The following RERE variants were observed in gnomAD, a reference collection of about 807,000 sequenced individuals.
RERE encodes the protein arginine-glutamic acid dipeptide repeats, also known as arginine-glutamic acid dipeptide repeats protein.
RERE carries 40 observed loss-of-function variants against 146.1 expected under a neutral mutation model. The ratio of observed to expected loss-of-function variants is 0.27; its 90% CI spans 0.21 to 0.36. The LOEUF is 0.36. Ranked by LOEUF, RERE falls within the 10% of genes least tolerant of loss-of-function variation. The probability of loss-of-function intolerance (pLI) is 1.00; values close to 1 mark genes in which losing one functional copy is unlikely to be tolerated. For missense variants in RERE, 1,933 were observed against 2,138.7 expected (o/e 0.90, Z 1.90); for synonymous variants, 1,003 against 866.0 (o/e 1.16, Z -2.78).
intron 4 of RERE, among the ~76,000 whole-genome samples, chr1:8,557,754 G>C (rs1646024744): frequency 1.3e-5 from 2 of 152,110 alleles, no homozygotes; most frequent in Non-Finnish European, 2.9e-5. Flanking sequence ...GCTTATTTCA[G>C]GAAACAAAAG....
chr1:8,549,834 T>C (rs1645912456), intron 6 of RERE, among the ~76,000 whole-genome samples: 1 of 152,126 alleles, frequency 6.6e-6, no homozygotes, highest in African/African-American at 2.4e-5. Flanking sequence ...ATGCCTAACT[T>C]CAGAAAAGCC....
At chr1:8,487,052 T>C (rs1570320515) in intron 10 of RERE, among the ~76,000 whole-genome samples, 1 of 152,178 alleles carries the variant, frequency 6.6e-6, no homozygotes, top group Non-Finnish European at 1.5e-5. Context: ...AACAAATTAT[T>C]AGCAAATTGA....
intron 1 of RERE, among the ~76,000 whole-genome samples, chr1:8,721,753 C>G (rs2124474002): frequency 6.6e-6 from 1 of 152,236 alleles, no homozygotes; most frequent in East Asian, 1.9e-4. Flanking sequence ...TACTATCTGG[C>G]AAAAATATGT....
chr1:8,498,726 A>AAT lies in RERE; in HGVS notation c.880-1199_880-1198dup, dbSNP rs1216467734. On this transcript the variant is annotated intron_variant, in intron 8 of 22. Transcript: ENST00000400908. ...AAAAAAAAATAAAAAAAAAAAAATA[A>AAT]ATATATACACACACACACACACACA... 8.2e-3 allele frequency among the ~76,000 whole-genome samples: 125 copies of AAT among 15,330 alleles called. 2 individuals carry two copies. Among genetic ancestry groups the AAT allele is most frequent in the Middle Eastern group, 0.028 (2 of 72 alleles). 10.1% of individuals were successfully genotyped at this position (15,330 alleles called of 152,430 possible). A position where few individuals can be genotyped will look rare whatever the true frequency, so the allele number is the denominator to read the frequency against.
chr1:8,786,918 C>A, intron 1 of RERE: 1 of 764,946 alleles, frequency 1.3e-6, no homozygotes. Context: ...CCTTCTTCTT[C>A]TCTTCAACAC....
At chr1:8,657,296 G>C (rs1312298358) in intron 1 of RERE, among the ~76,000 whole-genome samples, 1 of 110,320 alleles carries the variant, frequency 9.1e-6, no homozygotes, top group African/African-American at 3.7e-5. Context: ...CAGAGCGAGA[G>C]ACTCCGTCTC....
chr1:8,460,726 C>T (rs1399665247), intron 11 of RERE, among the ~76,000 whole-genome samples: 1 of 152,200 alleles, frequency 6.6e-6, no homozygotes, highest in African/African-American at 2.4e-5. Context: ...TGGTAAGCAA[C>T]AGAACCTTCA....
chr1:8,669,024 C>G (rs867303108), intron 1 of RERE, among the ~76,000 whole-genome samples: 1 of 43,816 alleles, frequency 2.3e-5, no homozygotes, highest in African/African-American at 8.9e-5. Context: ...GCACTCAACT[C>G]TGTGTGTGTG....
At chr1:8,502,348 C>G (rs1406718879) in intron 8 of RERE, among the ~76,000 whole-genome samples, 1 of 117,064 alleles carries the variant, frequency 8.5e-6, no homozygotes, top group Non-Finnish European at 1.8e-5. Flanking sequence ...GGGGGGTCAG[C>G]CCCCCGCCCG....
intron 7 of RERE, among the ~76,000 whole-genome samples, chr1:8,533,005 T>C (rs1645677507): frequency 6.6e-6 from 1 of 152,248 alleles, no homozygotes; most frequent in Non-Finnish European, 1.5e-5. Context: ...GTGCTGGGAT[T>C]ACAGGCATGA....
chr1:8,761,159 A>C (rs958148176), intron 1 of RERE, among the ~76,000 whole-genome samples: 4 of 152,118 alleles, frequency 2.6e-5, no homozygotes, highest in Non-Finnish European at 5.9e-5. Context: ...AGAAATAAAA[A>C]CTCAAAGGAA....
chr1:8,744,483 G>A (rs571987083), intron 1 of RERE, among the ~76,000 whole-genome samples: 14 of 152,122 alleles, frequency 9.2e-5, no homozygotes, highest in African/African-American at 2.6e-4. Context: ...TCTTAAACAC[G>A]CCTACTATCT....
intron 1 of RERE, among the ~76,000 whole-genome samples, chr1:8,737,747 T>A (rs1021253865): frequency 2.0e-5 from 3 of 152,080 alleles, no homozygotes; most frequent in Admixed American, 6.6e-5. Context: ...GAAAAAAATG[T>A]TTTCATCCAG....
chr1:8,435,378 A>C (rs1644155663), intron 11 of RERE, among the ~76,000 whole-genome samples: 1 of 152,250 alleles, frequency 6.6e-6, no homozygotes, highest in Admixed American at 6.5e-5. Flanking sequence ...GTTCAGTACA[A>C]GAATGTATCT....
intron 4 of RERE, among the ~76,000 whole-genome samples, chr1:8,595,352 C>T (rs1386224234): frequency 6.6e-6 from 1 of 151,582 alleles, no homozygotes; most frequent in African/African-American, 2.4e-5. Context: ...TTATATTTAT[C>T]ATTAAATACC....
chr1:8,688,857 T>TA (rs1245770775), intron 1 of RERE, among the ~76,000 whole-genome samples: 1 of 152,248 alleles, frequency 6.6e-6, no homozygotes, highest in African/African-American at 2.4e-5. Context: ...TCGGCTAAGC[T>TA]AAGCTATGGA....
At chr1:8,536,985 T>C (rs1026657478) in intron 7 of RERE, among the ~76,000 whole-genome samples, 2 of 152,090 alleles carry the variant, frequency 1.3e-5, no homozygotes. Flanking sequence ...GGAGGATCGC[T>C]GAAGCCCAGG....
rs190619513 is a variant in RERE, at chr1:8,659,326, G to A, written c.-144-2885C>T. Among the ~76,000 whole-genome samples, 499 of 152,370 alleles carry A rather than the reference G, an allele frequency of 3.3e-3. 1 individual carries two copies. The highest frequency in any genetic ancestry group is 0.011 in the African/African-American group (472 of 41,584). On this transcript the variant is annotated intron_variant, in intron 1 of 22. Coordinates refer to ENST00000400908, the MANE Select transcript of RERE (RefSeq NM_001042681.2). ...CATCCCAGCACTTTGGGAGGCTGAAGCGGGCGGATCACCTGAGGTCAGGCG... is the reference window on the plus strand; with the variant it reads ...CATCCCAGCACTTTGGGAGGCTGAAACGGGCGGATCACCTGAGGTCAGGCG...
At chr1:8,803,260 G>A (rs766931555) in intron 1 of RERE, among the ~76,000 whole-genome samples, 3 of 152,006 alleles carry the variant, frequency 2.0e-5, no homozygotes, top group East Asian at 1.9e-4. Flanking sequence ...GGAGGATCAC[G>A]AGATCAAGAC....
Sources: allele counts gnomAD v4.1 joint callset (sites outside exome capture counted in the v4.1 genomes callset), GRCh38; gene constraint gnomAD v4.1.1; transcripts MANE v1.5; gene names NCBI Gene and HGNC (gene_info 2026-07-23, HGNC 2026-07-21).